Variants in BAP1 observed in about 807,000 individuals in gnomAD.
BAP1 encodes the protein ubiquitin carboxyl-terminal hydrolase BAP1.
BAP1 carries 16 observed loss-of-function variants against 77.2 expected under a neutral mutation model. The ratio of observed to expected loss-of-function variants is 0.21; its 90% CI spans 0.14 to 0.31. The LOEUF (loss-of-function observed/expected upper bound fraction) is 0.31. Among genes scored for constraint, BAP1 ranks in the 10% least tolerant of loss-of-function variants. The pLI is 1.00. For synonymous variants in BAP1, 362 were observed against 385.2 expected (o/e 0.94, Z 0.71); for missense variants, 699 against 967.3 (o/e 0.72, Z 3.68).
Position 52,403,009 on chromosome 3 carries a change from T to G in BAP1, c.1890+129A>C. ...CTGCCACCACCCAACCCAGAAAGTC[T>G]TCTGGCACATGGCTCCAGCCACCAA... On this transcript the variant is annotated intron_variant, in intron 14 of 16. Coordinates refer to ENST00000460680, the MANE Select transcript of BAP1 (RefSeq NM_004656.4). This position sits in a 1 kb window ranked among gnomAD's most constrained non-coding sequence, Gnocchi z 4.0. 6.3e-6 allele frequency: 10 copies of G among 1,596,788 alleles called. No individual in the cohort carries two copies. Among genetic ancestry groups the G allele is most frequent in the Non-Finnish European group, 8.5e-6 (10 of 1,176,414 alleles).
In BAP1 at chr3:52,401,228, C is replaced by A; in HGVS notation, c.*1060G>T. On this transcript the variant is annotated 3_prime_UTR_variant, in exon 17 of 17. Coordinates refer to ENST00000460680, the MANE Select transcript of BAP1 (RefSeq NM_004656.4). ...TGTTGGGGCCTGGGCTCCAGAGGCACTGCTGGGCCCATTACCCCTTGGCAT... is the reference window on the plus strand; with the variant it reads ...TGTTGGGGCCTGGGCTCCAGAGGCAATGCTGGGCCCATTACCCCTTGGCAT... The A allele has an allele frequency of 8.6e-6, 2 of 233,134 alleles. No individual in the cohort carries two copies. The highest frequency in any genetic ancestry group is 1.7e-5 in the Non-Finnish European group (2 of 117,856). 14.4% of individuals were successfully genotyped at this position (233,134 alleles called of 1,614,324 possible). A position where few individuals can be genotyped will look rare whatever the true frequency, so the allele number is the denominator to read the frequency against.
intron 12 of BAP1, 115 bp from the exon 13 acceptor site, chr3:52,404,009 A>G: frequency 9.0e-7 from 1 of 1,111,074 alleles, no homozygotes; most frequent in Non-Finnish European, 1.3e-6. Flanking sequence ...AAAACTCCTT[A>G]TACTTGGTCC....
intron 5 of BAP1, 23 bp from the exon 6 acceptor site, chr3:52,407,483 G>GT (rs747196359): frequency 6.2e-7 from 1 of 1,614,042 alleles, no homozygotes; most frequent in South Asian, 1.1e-5. Flanking sequence ...AAATAAGGCC[G>GT]TATCAGAATA....
In BAP1 at chr3:52,402,854, C is replaced by A. The variant is rs1217932827; in HGVS notation, c.1908G>T (p.Leu636=). 1 of 1,614,192 alleles carries A rather than the reference C, an allele frequency of 6.2e-7. No individual in the cohort carries two copies. The highest frequency in any genetic ancestry group is 1.3e-5 in the African/African-American group (1 of 75,054). ...KYSPKELLAL[L]KCVEAEIANY... is the part of the protein sequence containing the mutation. ...TTGCAATCTCAGCCTCCACACACTT[C>A]AGCAGTGCCAGCAGCTCCTGCCAAA... The change falls in exon 15 of 17, where the codon CTG becomes CTT. Residue 636 remains leucine, a synonymous_variant. Transcript: ENST00000460680. The surrounding 1 kb of genome is among the most constrained non-coding windows in gnomAD (Gnocchi z 5.3).
Position 52,409,706 on chromosome 3 carries a change from G to A in BAP1, c.67+8C>T, listed in dbSNP as rs1195934372. The A allele has an allele frequency of 6.2e-7, 1 of 1,614,032 alleles. No homozygotes were observed. The highest frequency in any genetic ancestry group is 8.5e-7 in the Non-Finnish European group (1 of 1,180,026). Reference sequence around the variant, plus strand: ...AGCCCCGGTCCGGCAGGGAGAAAAGGCTCTTACCGAAATCTTCCACGAGCA... The same window carrying A: ...AGCCCCGGTCCGGCAGGGAGAAAAGACTCTTACCGAAATCTTCCACGAGCA... On this transcript the variant is annotated splice_region_variant and intron_variant, in intron 2 of 16. Coordinates refer to ENST00000460680, the MANE Select transcript of BAP1 (RefSeq NM_004656.4).
chr3:52,407,984 C>T lies in BAP1; in HGVS notation c.349G>A (p.Asp117Asn), dbSNP rs2153228091. The change falls in exon 5 of 17, where the codon GAC becomes AAC. Residue 117 changes from aspartate to asparagine, a missense_variant. This residue lies in a region of BAP1 where 160 missense variants were observed against 322.8 expected (regional missense o/e 0.50). Coordinates refer to ENST00000460680, the MANE Select transcript of BAP1 (RefSeq NM_004656.4). ...TCAGGGCTGAAACCCTTGGTGAAGT[C>T]CTTCATGCGACTCAGGGTGGGTCCC... ...DLGPTLSRMKDFTKGFSPESK... is the reference protein window; with the variant it reads ...DLGPTLSRMKNFTKGFSPESK... 1 of 1,613,992 alleles carries T rather than the reference C, an allele frequency of 6.2e-7. No individual in the cohort carries two copies. Among genetic ancestry groups the T allele is most frequent in the East Asian group, 2.2e-5 (1 of 44,884 alleles).
In BAP1 at chr3:52,406,262, A is replaced by C. The variant is rs1559589664; in HGVS notation, c.774T>G (p.Ala258=). The C allele has an allele frequency of 6.2e-7, 1 of 1,614,170 alleles. No individual in the cohort carries two copies. Among genetic ancestry groups the C allele is most frequent in the Non-Finnish European group, 8.5e-7 (1 of 1,180,024 alleles). Reference sequence around the variant, plus strand: ...AAGAAAGGGCACCTACCTGCTGCAGAGCCTCTAGTACTGTCTGACGGTTCA... The same window carrying C: ...AAGAAAGGGCACCTACCTGCTGCAGCGCCTCTAGTACTGTCTGACGGTTCA... The part of the protein sequence containing the change: ...LKVNRQTVLE[A]LQQLIRVTQP... The change falls in exon 9 of 17, where the codon GCT becomes GCG. Residue 258 remains alanine, a synonymous_variant. Coordinates refer to ENST00000460680, the MANE Select transcript of BAP1 (RefSeq NM_004656.4). The surrounding 1 kb of genome is among the most constrained non-coding windows in gnomAD (Gnocchi z 4.6).
chr3:52,403,444 AT>A lies in BAP1; in HGVS notation c.1700del (p.Asp567ValfsTer4). 6.2e-7 allele frequency: 1 copy of A among 1,613,876 alleles called. No individual in the cohort carries two copies. The highest frequency in any genetic ancestry group is 8.5e-7 in the Non-Finnish European group (1 of 1,179,950). On this transcript the variant is annotated frameshift_variant, in exon 13 of 17. Transcript: ENST00000460680. LOFTEE classifies it high-confidence loss of function. This position sits in a 1 kb window ranked among gnomAD's most constrained non-coding sequence, Gnocchi z 4.0. The stretch of plus-strand genomic sequence containing the variant: ...TCAGCGCCAGGGGACTCAGCACCCC[AT>A]CCTCAGCCAGGTGCAGCAGGCCTGT... Reference protein sequence around the residue: ...ISTGLLHLAEDGVLSPLALTE... With the variant: ...ISTGLLHLAEXGVLSPLALTE...
rs762422208 is a variant in BAP1 at position 52,403,881 on chromosome 3, C to G, written c.1264G>C (p.Gly422Arg). 1 of 1,614,070 alleles carries G rather than the reference C, an allele frequency of 6.2e-7. No homozygotes were observed. The highest frequency in any genetic ancestry group is 1.1e-5 in the South Asian group (1 of 91,082). The change falls in exon 13 of 17, where the codon GGA (glycine) becomes CGA (arginine). Residue 422 changes from glycine to arginine, a missense_variant. Gly to Arg is a moderately radical substitution (Grantham distance 125). Transcript: ENST00000460680. This position sits in a 1 kb window ranked among gnomAD's most constrained non-coding sequence, Gnocchi z 4.0. ...TNSALRYKGKGTGKPGALSGS... is the reference protein window; with the variant it reads ...TNSALRYKGKRTGKPGALSGS... ...CTCAATGCCCCTGGCTTCCCTGTTC[C>G]CTTCCCCTTATACCTGTGGGGCCCG...
chr3:52,406,990 A>C lies in BAP1; in HGVS notation c.581-83T>G. On this transcript the variant is annotated intron_variant, in intron 7 of 16. Transcript: ENST00000460680. This position sits in a 1 kb window ranked among gnomAD's most constrained non-coding sequence, Gnocchi z 4.6. ...AGGAGTGGGAAGGAAGACAGAGAAGAGCAGTTGAGCCAGGGAATCAGGAGC... is the reference window on the plus strand; with the variant it reads ...AGGAGTGGGAAGGAAGACAGAGAAGCGCAGTTGAGCCAGGGAATCAGGAGC... 6.7e-7 allele frequency: 1 copy of C among 1,499,506 alleles called. No homozygotes were observed. Among genetic ancestry groups the C allele is most frequent in the Non-Finnish European group, 9.1e-7 (1 of 1,098,792 alleles). The allele number at this position is 1,499,506 out of a possible 1,614,324, so 92.9% of individuals were successfully genotyped here.
Position 52,408,575 on chromosome 3 carries a change from A to T in BAP1, c.154T>A (p.Trp52Arg). The change falls in exon 4 of 17, where the codon TGG (tryptophan) becomes AGG (arginine). Residue 52 changes from tryptophan (W) to arginine (R), a missense_variant. Physicochemically the swap from Trp to Arg is moderately radical, Grantham distance 101. This residue lies in a region of BAP1 where 160 missense variants were observed against 322.8 expected (regional missense o/e 0.50). Transcript: ENST00000460680. ...PVYGFIFLFK[W>R]IEERRSRRKV... ...CGCCGGGACCGGCGCTCTTCGATCCATTTGAACAGGAAGATAAATCCATAT... is the reference window on the plus strand; with the variant it reads ...CGCCGGGACCGGCGCTCTTCGATCCTTTTGAACAGGAAGATAAATCCATAT... 6.2e-7 allele frequency: 1 copy of T among 1,610,608 alleles called. No homozygotes were observed. Among genetic ancestry groups the T allele is most frequent in the Non-Finnish European group, 8.5e-7 (1 of 1,178,542 alleles).
chr3:52,405,391 G>T (rs998709102), intron 10 of BAP1, 97 bp from the exon 11 acceptor site: 6 of 1,365,956 alleles, frequency 4.4e-6, no homozygotes, highest in Non-Finnish European at 6.0e-6. Context: ...TCCCAGAGAA[G>T]AACAGCCCAG....
In BAP1 at chr3:52,407,381, C is replaced by G. The variant is rs1157072290; in HGVS notation, c.437+18G>C. On this transcript the variant is annotated intron_variant, in intron 6 of 16. Transcript: ENST00000460680. ...CCCCTACTCCCACCCCACATCAGCT[C>G]CCACAGCTCCCACACACCTGGCATG... 6.2e-7 allele frequency: 1 copy of G among 1,613,908 alleles called. No individual in the cohort carries two copies. Among genetic ancestry groups the G allele is most frequent in the Non-Finnish European group, 8.5e-7 (1 of 1,179,752 alleles).
Position 52,402,972 on chromosome 3 carries a change from C to T in BAP1, c.1891-101G>A. The T allele has an allele frequency of 6.2e-7, 1 of 1,602,592 alleles. No homozygotes were observed. Among genetic ancestry groups the T allele is most frequent in the Non-Finnish European group, 8.5e-7 (1 of 1,178,544 alleles). On this transcript the variant is annotated intron_variant, in intron 14 of 16. Coordinates refer to ENST00000460680, the MANE Select transcript of BAP1 (RefSeq NM_004656.4). The surrounding 1 kb of genome is among the most constrained non-coding windows in gnomAD (Gnocchi z 5.3). Reference sequence around the variant, plus strand: ...GCAAGGATGAGCAGCGAGTCCATGCCTATCAAGGCCCCTGCCACCACCCAA... The same window carrying T: ...GCAAGGATGAGCAGCGAGTCCATGCTTATCAAGGCCCCTGCCACCACCCAA...
chr3:52,405,709 G>A (rs2153227171), intron 10 of BAP1, 56 bp downstream of exon 10: 1 of 1,607,504 alleles, frequency 6.2e-7, no homozygotes, highest in South Asian at 1.1e-5. Context: ...GGCCTCCCAT[G>A]TCAGACATTA....
rs748256162 is a variant in BAP1, at chr3:52,408,522, C to T, written c.207G>A (p.Thr69=). 1.1e-5 allele frequency: 18 copies of T among 1,612,054 alleles called. No individual in the cohort carries two copies. Among genetic ancestry groups the T allele is most frequent in the East Asian group, 6.7e-5 (3 of 44,898 alleles). The change falls in exon 4 of 17, where the codon ACG becomes ACA. Residue 69 remains threonine, a synonymous_variant. Transcript: ENST00000460680. ...TCACAATATCATCATCAATCACGGA[C>T]GTATCATCCACCAAGGTAGAGACCT... ...RRKVSTLVDD[T]SVIDDDIVNN...
In BAP1 at chr3:52,407,224, G is replaced by A. The variant is rs1481087420; in HGVS notation, c.530C>T (p.Thr177Ile). Residue 177 changes from threonine (T) to isoleucine (I), a missense_variant, in exon 7 of 17, where the codon ACA becomes ATA. Thr to Ile is a moderately conservative substitution (Grantham distance 89). Around this residue, in one of 3 missense-constraint regions of BAP1, gnomAD observed 160 missense variants for 322.8 expected, o/e 0.50. Coordinates refer to ENST00000460680, the MANE Select transcript of BAP1 (RefSeq NM_004656.4). ...AFHFVSYVPI[T>I]GRLFELDGLK... is the part of the protein sequence containing the mutation. ...CCCATCCAGCTCAAAGAGCCGGCCT[G>A]TGATAGGCACATAGCTGACAAAGTG... 2 of 1,614,082 alleles carry A rather than the reference G, an allele frequency of 1.2e-6. No individual in the cohort carries two copies. Among genetic ancestry groups the A allele is most frequent in the South Asian group, 1.1e-5 (1 of 91,090 alleles).
In BAP1 at chr3:52,406,680, GACA is replaced by G. The variant is rs1013855334; in HGVS notation, c.659+146_659+148del. Reference sequence around the variant, plus strand: ...CACAGGCAGCCCAGGCAGGAAATAAGACAACAAGTTGAGAACCCATGATCTAAG... The same window carrying G: ...CACAGGCAGCCCAGGCAGGAAATAAGACAAGTTGAGAACCCATGATCTAAG... On this transcript the variant is annotated intron_variant, in intron 8 of 16. Transcript: ENST00000460680. The surrounding 1 kb of genome is among the most constrained non-coding windows in gnomAD (Gnocchi z 4.6). 135 of 1,025,352 alleles carry G rather than the reference GACA, an allele frequency of 1.3e-4. No homozygotes were observed. The highest frequency in any genetic ancestry group is 5.1e-4 in the African/African-American group (32 of 63,014). 63.5% of individuals were successfully genotyped at this position (1,025,352 alleles called of 1,614,324 possible). A position where few individuals can be genotyped will look rare whatever the true frequency, so the allele number is the denominator to read the frequency against.
At position 52,406,429 on chromosome 3, in the gene BAP1, A is replaced by G. The variant is rs1705160398; in HGVS notation, c.660-53T>C. On this transcript the variant is annotated intron_variant, in intron 8 of 16. Transcript: ENST00000460680. The surrounding 1 kb of genome is among the most constrained non-coding windows in gnomAD (Gnocchi z 4.6). The stretch of plus-strand genomic sequence containing the variant: ...CAGCTCCCGCCCCGGCCCCGCCATC[A>G]GGTTGAGGCAGATATCCTGGCAGGG... 5.0e-6 allele frequency: 8 copies of G among 1,606,986 alleles called. No homozygotes were observed. The highest frequency in any genetic ancestry group is 4.4e-5 in the South Asian group (4 of 90,732).
Sources: allele counts gnomAD v4.1 joint callset, GRCh38; gene constraint gnomAD v4.1.1; regional missense constraint gnomAD v4.1.1; non-coding constraint Gnocchi (gnomAD v3.1); transcripts MANE v1.5; gene names NCBI Gene and HGNC (gene_info 2026-07-23, HGNC 2026-07-21).